The following CHN1 variants were observed in gnomAD, a reference collection of about 807,000 sequenced individuals.
The protein encoded by CHN1 is N-chimaerin.
Under a neutral mutation model 59.5 loss-of-function variants are expected in CHN1, and 37 were observed. That is an observed-to-expected ratio of 0.62 (90% CI 0.48 to 0.82). The LOEUF is 0.82. Ranked by LOEUF, CHN1 falls within the 40% of genes least tolerant of loss-of-function variation. The probability of loss-of-function intolerance (pLI) is 0.00; values close to 1 mark genes in which losing one functional copy is unlikely to be tolerated. For synonymous variants in CHN1, 206 were observed against 200.4 expected (o/e 1.03, Z -0.24); for missense variants, 469 against 571.0 (o/e 0.82, Z 1.82).
intron 3 of CHN1, among the ~76,000 whole-genome samples, chr2:174,924,953 T>C (rs895058231): frequency 6.6e-6 from 1 of 152,224 alleles, no homozygotes; most frequent in Non-Finnish European, 1.5e-5. Flanking sequence ...CTTTGCTTTC[T>C]CCAATTTTCT....
chr2:174,894,146 T>A (rs1358656617), intron 5 of CHN1, among the ~76,000 whole-genome samples: 2 of 151,866 alleles, frequency 1.3e-5, no homozygotes, highest in Non-Finnish European at 2.9e-5. Context: ...TTCTGCACAA[T>A]GAAGGCAACA....
chr2:174,962,374 CT>C (rs1159811169), intron 1 of CHN1, among the ~76,000 whole-genome samples: 1 of 152,050 alleles, frequency 6.6e-6, no homozygotes, highest in Non-Finnish European at 1.5e-5. Flanking sequence ...ATTGTGTGTT[CT>C]TTTGGCAGAG....
chr2:174,870,644 T>G (rs1233402217), intron 6 of CHN1, among the ~76,000 whole-genome samples: 1 of 152,238 alleles, frequency 6.6e-6, no homozygotes, highest in Non-Finnish European at 1.5e-5. Flanking sequence ...CCAGATTAAC[T>G]GCTTGATAGT....
chr2:174,837,231 G>C (rs948973747), intron 7 of CHN1: 1 of 152,196 alleles, frequency 6.6e-6, no homozygotes. Flanking sequence ...ACACCCCCTA[G>C]AGATGGACTT....
intron 6 of CHN1, among the ~76,000 whole-genome samples, chr2:174,854,987 T>C (rs1395076694): frequency 1.3e-5 from 2 of 152,184 alleles, no homozygotes; most frequent in African/African-American, 2.4e-5. Flanking sequence ...TCCATGCTCA[T>C]ACTCAGTAAT....
At chr2:175,004,368 C>G (rs1001084288) in intron 1 of CHN1, among the ~76,000 whole-genome samples, 2 of 152,188 alleles carry the variant, frequency 1.3e-5, no homozygotes, top group Admixed American at 6.5e-5. Context: ...TTAGTGCAAA[C>G]ATTTTCAATT....
Position 174,800,125 on chromosome 2 carries a change from A to C in CHN1, c.1371T>G (p.Ile457Met), listed in dbSNP as rs1379037715. 3 of 1,572,632 alleles carry C rather than the reference A, an allele frequency of 1.9e-6. No homozygotes were observed. The highest frequency in any genetic ancestry group is 1.4e-5 in the African/African-American group (1 of 72,910). The change falls in exon 13 of 13, where the codon ATT becomes ATG. Residue 457 changes from isoleucine (I) to methionine (M), a missense_variant. Around this residue, in one of 5 missense-constraint regions of CHN1, gnomAD observed 225 missense variants for 289.9 expected, o/e 0.78. Transcript: ENST00000409900. ...CCCTCAAATTAAAAATTTAAAATAA[A>C]ATGTCTTCGTTTTTGATAAGCAGCT... is the stretch of plus-strand genomic sequence containing the variant. ...VVELLIKNED[I>M]LF is the part of the protein sequence containing the mutation.
chr2:174,980,008 C>T (rs1691088520), intron 1 of CHN1, among the ~76,000 whole-genome samples: 1 of 152,166 alleles, frequency 6.6e-6, no homozygotes, highest in African/African-American at 2.4e-5. Flanking sequence ...ACTCTCACTT[C>T]TCTATAGGGG....
At chr2:174,932,234 TTTA>T (rs1299819573) in intron 3 of CHN1, among the ~76,000 whole-genome samples, 8 of 152,192 alleles carry the variant, frequency 5.3e-5, no homozygotes, top group African/African-American at 1.9e-4. Flanking sequence ...TTATTTCTCG[TTTA>T]TATAACATTC....
intron 7 of CHN1, chr2:174,846,345 A>G: frequency 1.3e-6 from 2 of 1,549,558 alleles, no homozygotes; most frequent in South Asian, 2.4e-5. Context: ...AAAAGTGAGG[A>G]GAAGCTGCTA....
At chr2:174,902,990 T>C (rs1688436179) in intron 5 of CHN1, among the ~76,000 whole-genome samples, 1 of 152,218 alleles carries the variant, frequency 6.6e-6, no homozygotes, top group African/African-American at 2.4e-5. Context: ...TTTATCATTT[T>C]CTAAGATAGC....
chr2:174,894,662 T>C (rs557451041), intron 5 of CHN1, among the ~76,000 whole-genome samples: 20 of 152,092 alleles, frequency 1.3e-4, no homozygotes, highest in Non-Finnish European at 2.6e-4. Flanking sequence ...TTGAAGATAC[T>C]TGCACACCCA....
At chr2:174,894,234 C>G (rs757503905) in intron 5 of CHN1, among the ~76,000 whole-genome samples, 49 of 151,880 alleles carry the variant, frequency 3.2e-4, no homozygotes, top group Non-Finnish European at 6.6e-4. Flanking sequence ...GGGCTAATAT[C>G]CAGAATATAT....
At chr2:174,914,610 G>A (rs575926015) in intron 5 of CHN1, among the ~76,000 whole-genome samples, 1 of 152,184 alleles carries the variant, frequency 6.6e-6, no homozygotes, top group South Asian at 2.1e-4. Context: ...ACTTTGGGAG[G>A]CCAAAGTGGG....
chr2:174,806,051 C>A (rs892249407), intron 11 of CHN1, among the ~76,000 whole-genome samples: 4 of 152,132 alleles, frequency 2.6e-5, no homozygotes, highest in African/African-American at 7.2e-5. Flanking sequence ...CAGGAAGCAT[C>A]CATAATGTTG....
At chr2:174,800,397 C>T (rs1332635160) in intron 12 of CHN1, 110 bp from the exon 13 acceptor site, 1 of 738,318 alleles carries the variant, frequency 1.4e-6, no homozygotes, top group Non-Finnish European at 2.0e-6. Context: ...GTCCGCTTAT[C>T]AACTCTTCCA....
chr2:174,992,957 T>G (rs1436405030), intron 1 of CHN1, among the ~76,000 whole-genome samples: 6 of 151,992 alleles, frequency 3.9e-5, no homozygotes, highest in Non-Finnish European at 8.8e-5. Context: ...TGCCAGCTAT[T>G]TTTTTATTTT....
chr2:174,910,607 G>A (rs1468565208), intron 5 of CHN1, among the ~76,000 whole-genome samples: 1 of 151,952 alleles, frequency 6.6e-6, no homozygotes, highest in Non-Finnish European at 1.5e-5. Flanking sequence ...TGGCATTTAT[G>A]GCAATCCCCC....
chr2:174,863,665 AG>A (rs1441553319), intron 6 of CHN1, among the ~76,000 whole-genome samples: 1 of 152,170 alleles, frequency 6.6e-6, no homozygotes, highest in Non-Finnish European at 1.5e-5. Context: ...TAAAGTGTAA[AG>A]GGGTCCTGAC....
Sources: gnomAD v4.1 joint callset for allele counts (sites outside exome capture counted in the v4.1 genomes callset) on GRCh38, gnomAD v4.1.1 for gene constraint, gnomAD v4.1.1 regional missense constraint, MANE v1.5 for transcripts, NCBI Gene and HGNC (gene_info 2026-07-23, HGNC 2026-07-21) for gene names.